The following LAMB4 variants were observed in gnomAD, a reference collection of about 807,000 sequenced individuals.
LAMB4 encodes laminin subunit beta-4.
Under a neutral mutation model 199.2 loss-of-function variants are expected in LAMB4, and 196 were observed. The observed-to-expected ratio is 0.98, with a 90% CI of 0.88 to 1.11. The LOEUF (loss-of-function observed/expected upper bound fraction) is 1.11. Among genes scored for constraint, LAMB4 ranks in the 50% least tolerant of loss-of-function variants. The pLI, the probability that LAMB4 is intolerant of heterozygous loss-of-function variation, is 0.00. For synonymous variants in LAMB4, 744 were observed against 770.6 expected (o/e 0.97, Z 0.57); for missense variants, 2,080 against 2,171.2 (o/e 0.96, Z 0.83).
intron 10 of LAMB4, among the ~76,000 whole-genome samples, chr7:108,101,822 G>A (rs937697611): frequency 2.6e-5 from 4 of 152,248 alleles, no homozygotes; most frequent in Admixed American, 6.5e-5. Context: ...GAACTTAAGT[G>A]CCTTCCTTGG....
chr7:108,031,332 A>C (rs1411069525), intron 31 of LAMB4, among the ~76,000 whole-genome samples: 1 of 128,682 alleles, frequency 7.8e-6, no homozygotes, highest in African/African-American at 3.2e-5. Context: ...CAACAATAAC[A>C]AAAAAAAAAA....
intron 10 of LAMB4, among the ~76,000 whole-genome samples, chr7:108,101,887 C>T (rs908281737): frequency 2.6e-5 from 4 of 152,124 alleles, no homozygotes; most frequent in Admixed American, 2.6e-4. Flanking sequence ...TGATGAGATA[C>T]CATTTTTGAT....
chr7:108,019,710 G>C (rs908317786), downstream of LAMB4, among the ~76,000 whole-genome samples: 8 of 152,080 alleles, frequency 5.3e-5, no homozygotes, highest in Admixed American at 6.5e-5. Flanking sequence ...TTAAAATGTG[G>C]AGAAGTCCTA....
chr7:108,036,959 A>G (rs542194359), intron 30 of LAMB4, among the ~76,000 whole-genome samples: 1 of 151,528 alleles, frequency 6.6e-6, no homozygotes, highest in East Asian at 2.0e-4. Flanking sequence ...ATACTGAGGA[A>G]GTGAAATATC....
chr7:108,061,500 A>G (rs1018640642), intron 23 of LAMB4, among the ~76,000 whole-genome samples: 16 of 152,040 alleles, frequency 1.1e-4, no homozygotes, highest in African/African-American at 3.9e-4. Context: ...GCAATCTGAG[A>G]GGCTGAGGTG....
At chr7:108,036,193 G>T (rs2035223430) in intron 30 of LAMB4, among the ~76,000 whole-genome samples, 1 of 133,528 alleles carries the variant, frequency 7.5e-6, no homozygotes, top group African/African-American at 3.9e-5. Context: ...GTGATTACTT[G>T]ATTTTTTTTT....
intron 26 of LAMB4, among the ~76,000 whole-genome samples, chr7:108,051,591 C>G (rs2035827821): frequency 6.6e-6 from 1 of 152,158 alleles, no homozygotes; most frequent in African/African-American, 2.4e-5. Flanking sequence ...AGCTCACATT[C>G]AGTTTTAAGA....
intron 29 of LAMB4, among the ~76,000 whole-genome samples, chr7:108,040,988 T>G (rs902520816): frequency 1.3e-4 from 20 of 151,952 alleles, no homozygotes; most frequent in African/African-American, 4.8e-4. Context: ...GGGAGAAAAT[T>G]TTTGCAAACT....
intron 14 of LAMB4, among the ~76,000 whole-genome samples, chr7:108,091,232 C>G (rs1360722845): frequency 1.3e-5 from 2 of 152,054 alleles, no homozygotes; most frequent in Non-Finnish European, 1.5e-5. Context: ...GGCGCTAGTG[C>G]AACAATGATG....
At chr7:108,066,694 T>C (rs915113458) in intron 19 of LAMB4, 94 bp from the exon 20 acceptor site, 10 of 799,970 alleles carry the variant, frequency 1.3e-5, no homozygotes, top group Middle Eastern at 2.6e-4. Flanking sequence ...CCTTTCCCAA[T>C]CCCAGTGAAC....
intron 23 of LAMB4, chr7:108,062,572 G>A (rs529838066): frequency 2.0e-5 from 7 of 356,006 alleles, no homozygotes; most frequent in African/African-American, 5.4e-5. Context: ...TGAAGTAGGC[G>A]AAGCTGAACT....
Position 108,098,445 on chromosome 7 carries a change from T to C in LAMB4, c.1318A>G (p.Asn440Asp). ...TCGGTGGCGCTTAGTCCGTAGTGGT[T>C]GGGTTTGCACTGGTCGCATTTGGCT... is the stretch of plus-strand genomic sequence containing the variant. ...EGAKCDQCKPNHYGLSATDPL... is the reference protein window; with the variant it reads ...EGAKCDQCKPDHYGLSATDPL... Residue 440 changes from asparagine to aspartate, a missense_variant, in exon 11 of 34, where the codon AAC becomes GAC. By Grantham distance (23) the Asn-to-Asp change is conservative. Transcript: ENST00000388781. The C allele has an allele frequency of 6.5e-7, 1 of 1,539,982 alleles. No homozygotes were observed. The highest frequency in any genetic ancestry group is 8.7e-7 in the Non-Finnish European group (1 of 1,143,214).
At chr7:108,020,894 G>C (rs570201883), downstream of LAMB4, among the ~76,000 whole-genome samples, 1 of 152,298 alleles carries the variant, frequency 6.6e-6, no homozygotes, top group African/African-American at 2.4e-5. Context: ...CAAAAAAGGG[G>C]GGTGTATAAT....
chr7:108,102,023 A>G (rs1345253150), intron 10 of LAMB4, among the ~76,000 whole-genome samples: 1 of 152,182 alleles, frequency 6.6e-6, no homozygotes, highest in African/African-American at 2.4e-5. Flanking sequence ...CCATTGGCAC[A>G]CTCACTTAGG....
At position 108,103,186 on chromosome 7, in the gene LAMB4, AGTCAT is replaced by A; in HGVS notation, c.1033_1037del (p.Met345TyrfsTer14). On this transcript the variant is annotated frameshift_variant, in exon 10 of 34. Transcript: ENST00000388781. LOFTEE classifies it high-confidence loss of function. Reference sequence around the variant, plus strand: ...TGAGGCCACCGCTTGCCAGGTACGTAGTCATGTCAAAGTGACAGCGGCTGGAGTGG... The same window carrying A: ...TGAGGCCACCGCTTGCCAGGTACGTAGTCAAAGTGACAGCGGCTGGAGTGG... 6.3e-7 allele frequency: 1 copy of A among 1,595,090 alleles called. No individual in the cohort carries two copies. Among genetic ancestry groups the A allele is most frequent in the Non-Finnish European group, 8.5e-7 (1 of 1,170,256 alleles).
At chr7:108,084,917 AT>A (rs375065999) in intron 14 of LAMB4, among the ~76,000 whole-genome samples, 1 of 137,268 alleles carries the variant, frequency 7.3e-6, no homozygotes, top group East Asian at 2.2e-4. Flanking sequence ...CCAATTTTTT[AT>A]TTTTTTTGCA....
chr7:108,087,247 A>G (rs2037216431), intron 14 of LAMB4, among the ~76,000 whole-genome samples: 1 of 152,126 alleles, frequency 6.6e-6, no homozygotes, highest in African/African-American at 2.4e-5. Flanking sequence ...ATTTGTGTCC[A>G]TGGCTCCTTC....
At chr7:108,109,689 C>G (rs2038148652) in intron 4 of LAMB4, among the ~76,000 whole-genome samples, 1 of 152,218 alleles carries the variant, frequency 6.6e-6, no homozygotes. Flanking sequence ...TTCATTGTCA[C>G]CTGGCATATA....
At chr7:108,059,855 CT>C (rs2036104752) in intron 23 of LAMB4, among the ~76,000 whole-genome samples, 1 of 152,238 alleles carries the variant, frequency 6.6e-6, no homozygotes, top group South Asian at 2.1e-4. Flanking sequence ...ATTTCATCTC[CT>C]TGTTTCCAGC....
Sources: gnomAD v4.1 joint callset for allele counts (sites outside exome capture counted in the v4.1 genomes callset) on GRCh38, gnomAD v4.1.1 for gene constraint, MANE v1.5 for transcripts, NCBI Gene and HGNC (gene_info 2026-07-23, HGNC 2026-07-21) for gene names.